The following FSTL4 variants were observed in gnomAD, a reference collection of about 807,000 sequenced individuals.
FSTL4 encodes follistatin like 4.
FSTL4 carries 28 observed loss-of-function variants against 78.2 expected under a neutral mutation model. That is an observed-to-expected ratio of 0.36 (90% CI 0.27 to 0.49). The LOEUF (loss-of-function observed/expected upper bound fraction) is 0.49, where lower values mean the gene tolerates loss of function less well. Ranked by LOEUF, FSTL4 falls within the 20% of genes least tolerant of loss-of-function variation. The pLI, the probability that FSTL4 is intolerant of heterozygous loss-of-function variation, is 0.98. For missense variants in FSTL4, 922 were observed against 1,084.9 expected (o/e 0.85, Z 2.11); for synonymous variants, 422 against 440.5 (o/e 0.96, Z 0.53).
At chr5:133,820,556 A>G in the FSTL4 span, among the ~76,000 whole-genome samples, 3 of 152,040 alleles carry the variant, frequency 2.0e-5, no homozygotes, top group African/African-American at 7.2e-5. Context: ...TTTCAATTTC[A>G]TGTCTGTGAT....
intron 4 of FSTL4, among the ~76,000 whole-genome samples, chr5:133,328,247 A>G (rs1754262973): frequency 1.3e-5 from 2 of 152,224 alleles, no homozygotes; most frequent in African/African-American, 4.8e-5. Flanking sequence ...TACGCAGACA[A>G]TGCCTCATCT....
At chr5:133,525,586 G>A (rs906264397) in intron 3 of FSTL4, among the ~76,000 whole-genome samples, 5 of 152,214 alleles carry the variant, frequency 3.3e-5, no homozygotes, top group Admixed American at 6.5e-5. Flanking sequence ...ATCAGAAACC[G>A]TCCTGGCCTT....
At chr5:133,647,049 C>T in the FSTL4 span, among the ~76,000 whole-genome samples, 3 of 152,134 alleles carry the variant, frequency 2.0e-5, no homozygotes, top group African/African-American at 7.2e-5. Flanking sequence ...GCTGGGTCTT[C>T]TAAAGGCAAT....
chr5:133,786,632 G>A, the FSTL4 span, among the ~76,000 whole-genome samples: 1 of 152,222 alleles, frequency 6.6e-6, no homozygotes, highest in Non-Finnish European at 1.5e-5. Flanking sequence ...GGGATGCAGG[G>A]AGGGGGAATT....
At chr5:133,827,490 G>A in the FSTL4 span, among the ~76,000 whole-genome samples, 142 of 152,270 alleles carry the variant, frequency 9.3e-4, no homozygotes, top group Middle Eastern at 0.02. Flanking sequence ...TTCTGACGAG[G>A]AGGATTGATT....
chr5:133,319,241 A>T (rs1079228), intron 4 of FSTL4, among the ~76,000 whole-genome samples: 99,742 of 152,078 alleles, frequency 0.66, 33,016 homozygotes, highest in Middle Eastern at 0.74. Flanking sequence ...GAAGTCAATC[A>T]TCTGGGGGAA....
rs113518468 is a variant in FSTL4, at chr5:133,382,532, C to G, written c.409+18206G>C. On this transcript the variant is annotated intron_variant, in intron 4 of 15. Coordinates refer to ENST00000265342, the MANE Select transcript of FSTL4 (RefSeq NM_015082.2). ...GTTGAATTAGTCATTTACTTATAAT[C>G]CAGACTGTGATTGTTTGGAAAATTG... Among the ~76,000 whole-genome samples the G allele has an allele frequency of 1.4e-3, 216 of 152,262 alleles. 2 individuals are homozygous for G. The highest frequency in any genetic ancestry group is 4.9e-3 in the African/African-American group (203 of 41,538).
intron 4 of FSTL4, among the ~76,000 whole-genome samples, chr5:133,322,504 G>A (rs1754096125): frequency 6.6e-6 from 1 of 152,220 alleles, no homozygotes; most frequent in Non-Finnish European, 1.5e-5. Flanking sequence ...GGAACAGGAA[G>A]TAGACTGGGA....
At chr5:133,560,990 G>A (rs1269537764) in intron 3 of FSTL4, among the ~76,000 whole-genome samples, 1 of 151,468 alleles carries the variant, frequency 6.6e-6, no homozygotes, top group Non-Finnish European at 1.5e-5. Context: ...TCGGGAGGCT[G>A]AGGCAGGAGA....
the FSTL4 span, among the ~76,000 whole-genome samples, chr5:133,794,057 C>T: frequency 6.6e-6 from 1 of 152,194 alleles, no homozygotes; most frequent in African/African-American, 2.4e-5. Context: ...CTTGCCCTTT[C>T]CTGGGAGATG....
intron 7 of FSTL4, among the ~76,000 whole-genome samples, chr5:133,234,371 C>T (rs1005197592): frequency 6.6e-6 from 1 of 152,210 alleles, no homozygotes; most frequent in Non-Finnish European, 1.5e-5. Flanking sequence ...ACGATGGGGT[C>T]TTACTGGGCC....
chr5:133,369,094 C>T lies in FSTL4; in HGVS notation c.409+31644G>A, dbSNP rs570484060. Among the ~76,000 whole-genome samples the T allele has an allele frequency of 2.6e-5, 4 of 152,294 alleles. No individual in the cohort carries two copies. In the South Asian group the frequency reaches 8.3e-4, roughly 32 times the overall value. ...TGGACTTCCAAGGCTGGCTTGGTCT[C>T]CATGCAGGGTTCTGGCAGGCACACC... On this transcript the variant is annotated intron_variant, in intron 4 of 15. Transcript: ENST00000265342.
chr5:133,775,973 T>C, the FSTL4 span, among the ~76,000 whole-genome samples: 1 of 152,212 alleles, frequency 6.6e-6, no homozygotes, highest in Non-Finnish European at 1.5e-5. Context: ...GAAGCTAATA[T>C]TTTAAGCTGA....
chr5:133,333,514 T>C (rs1754394611), intron 4 of FSTL4, among the ~76,000 whole-genome samples: 1 of 152,158 alleles, frequency 6.6e-6, no homozygotes, highest in African/African-American at 2.4e-5. Context: ...ACTGGGCAAA[T>C]CTTATTGTCA....
chr5:133,442,817 A>G (rs1325424136), intron 3 of FSTL4, among the ~76,000 whole-genome samples: 1 of 152,168 alleles, frequency 6.6e-6, no homozygotes, highest in Non-Finnish European at 1.5e-5. Flanking sequence ...TATACAACTG[A>G]CCCAACACCA....
At chr5:133,321,525 T>A (rs922727111) in intron 4 of FSTL4, among the ~76,000 whole-genome samples, 1 of 152,122 alleles carries the variant, frequency 6.6e-6, no homozygotes, top group East Asian at 1.9e-4. Context: ...GGTGCCCCTG[T>A]GGGTGATGGT....
chr5:133,306,802 C>T (rs1362015292), intron 6 of FSTL4, among the ~76,000 whole-genome samples: 1 of 152,180 alleles, frequency 6.6e-6, no homozygotes, highest in Non-Finnish European at 1.5e-5. Flanking sequence ...CCATGCTGAG[C>T]AGGAGTGCAG....
chr5:133,214,212 A>G lies in FSTL4; in HGVS notation c.1608+3017T>C, dbSNP rs1750833714. On this transcript the variant is annotated intron_variant, in intron 13 of 15. Coordinates refer to ENST00000265342, the MANE Select transcript of FSTL4 (RefSeq NM_015082.2). ...ACATATATAGAATACAGTATCTAAC[A>G]TCAGAATGCACATTCTTTTAAAGTA... Among the ~76,000 whole-genome samples the G allele has an allele frequency of 2.0e-5, 3 of 152,254 alleles. No individual in the cohort carries two copies. In the South Asian group the frequency reaches 6.2e-4, roughly 31 times the overall value.
chr5:133,410,095 G>A (rs372000690), intron 3 of FSTL4, among the ~76,000 whole-genome samples: 9 of 152,224 alleles, frequency 5.9e-5, no homozygotes, highest in East Asian at 1.9e-4. Flanking sequence ...TATCTCAACC[G>A]GCTTTTGAAG....
Sources: allele counts gnomAD v4.1 joint callset (sites outside exome capture counted in the v4.1 genomes callset), GRCh38; gene constraint gnomAD v4.1.1; transcripts MANE v1.5; gene names NCBI Gene and HGNC (gene_info 2026-07-23, HGNC 2026-07-21).